The following GTF2IRD2B variants were observed in gnomAD, a reference collection of about 807,000 sequenced individuals.
GTF2IRD2B encodes GTF2I repeat domain containing 2B, also known as general transcription factor II-I repeat domain-containing protein 2B.
A neutral mutation model predicts 55.6 loss-of-function variants in GTF2IRD2B; 10 were observed. That is an observed-to-expected ratio of 0.18 (90% confidence interval 0.11 to 0.31). The LOEUF (loss-of-function observed/expected upper bound fraction) is 0.31. Among genes scored for constraint, GTF2IRD2B ranks in the 10% least tolerant of loss-of-function variants. The pLI, the probability that GTF2IRD2B is intolerant of heterozygous loss-of-function variation, is 1.00. For missense variants in GTF2IRD2B, 206 were observed against 802.7 expected (o/e 0.26, Z 8.98); for synonymous variants, 107 against 320.5 (o/e 0.33, Z 7.12).
chr7:75,132,694 A>G (rs1808704446), intron 8 of GTF2IRD2B, among the ~76,000 whole-genome samples: 1 of 140,270 alleles, frequency 7.1e-6, no homozygotes, highest in South Asian at 2.1e-4. Context: ...GGCTGGCTAC[A>G]GGCGTCCGCC....
At chr7:75,109,701 T>C (rs1807913974) in intron 2 of GTF2IRD2B, among the ~76,000 whole-genome samples, 1 of 31,258 alleles carries the variant, frequency 3.2e-5, no homozygotes, top group South Asian at 1.0e-3. Context: ...GTATCCTTTA[T>C]AGAGGGTAAT....
At chr7:75,104,053 CAA>C (rs587607735) in intron 1 of GTF2IRD2B, among the ~76,000 whole-genome samples, 22 of 87,774 alleles carry the variant, frequency 2.5e-4, no homozygotes, top group Admixed American at 6.1e-4. Context: ...GACTCCGTCT[CAA>C]AAAAAAAAAA....
At chr7:75,099,841 G>T (rs1254982363) in intron 1 of GTF2IRD2B, among the ~76,000 whole-genome samples, 2 of 135,902 alleles carry the variant, frequency 1.5e-5, no homozygotes, top group African/African-American at 2.8e-5. Flanking sequence ...GGCCAGGCGT[G>T]GTAGATCATG....
intron 3 of GTF2IRD2B, among the ~76,000 whole-genome samples, chr7:75,113,762 G>A (rs1157593347): frequency 7.1e-6 from 1 of 139,922 alleles, no homozygotes; most frequent in African/African-American, 2.7e-5. Context: ...AATCAGAAAG[G>A]TTCGTCAGAG....
intron 9 of GTF2IRD2B, among the ~76,000 whole-genome samples, 155 bp from the exon 10 acceptor site, chr7:75,134,846 C>T (rs1554534784): frequency 6.7e-6 from 1 of 148,786 alleles, no homozygotes; most frequent in African/African-American, 2.6e-5. Context: ...AGATTACAGG[C>T]GTGAGTTACC....
chr7:75,096,439 TG>T (rs1807380531), intron 1 of GTF2IRD2B, among the ~76,000 whole-genome samples: 2 of 42,718 alleles, frequency 4.7e-5, no homozygotes. Flanking sequence ...TTTTTTTTTT[TG>T]AGATGGAGTT....
In GTF2IRD2B at chr7:75,102,069, C is replaced by T. The variant is rs1584522136; in HGVS notation, c.-5-6891C>T. On this transcript the variant is annotated intron_variant, in intron 1 of 15. Transcript: ENST00000472837. The stretch of plus-strand genomic sequence containing the variant: ...CCAGGCTGGAGTGCAGTGGTGGGAT[C>T]TCGGCTCACTGCAACCTCCGCCTCC... Among the ~76,000 whole-genome samples, 3 of 151,058 alleles carry T rather than the reference C, an allele frequency of 2.0e-5. No homozygotes were observed. In the East Asian group the frequency reaches 5.9e-4, roughly 30 times the overall value.
At chr7:75,132,538 C>G (rs1183365971) in intron 8 of GTF2IRD2B, among the ~76,000 whole-genome samples, 3 of 141,680 alleles carry the variant, frequency 2.1e-5, no homozygotes, top group African/African-American at 5.7e-5. Flanking sequence ...TCATCCTCCT[C>G]TCCTTCCTTC....
intron 4 of GTF2IRD2B, among the ~76,000 whole-genome samples, chr7:75,121,373 CAG>C (rs1808359331): frequency 6.7e-6 from 1 of 150,076 alleles, no homozygotes; most frequent in African/African-American, 2.4e-5. Context: ...AGGAGTAGGA[CAG>C]TGTCACAGAC....
intron 15 of GTF2IRD2B, among the ~76,000 whole-genome samples, chr7:75,145,626 G>T (rs1470998856): frequency 1.4e-5 from 2 of 147,054 alleles, no homozygotes; most frequent in Non-Finnish European, 3.0e-5. Flanking sequence ...CCAGCTACTC[G>T]GGAGGCTGAG....
intron 3 of GTF2IRD2B, among the ~76,000 whole-genome samples, chr7:75,118,988 G>GA (rs1808263875): frequency 8.1e-6 from 1 of 123,132 alleles, no homozygotes. Flanking sequence ...GAGATCAGTA[G>GA]TTCTAGACCA....
chr7:75,149,255 A>T lies in GTF2IRD2B; in HGVS notation c.2808A>T (p.Leu936Phe), dbSNP rs1554454716. Reference protein sequence around the residue: ...KLSKTKYCSQLKDSQWDSVLH... With the variant: ...KLSKTKYCSQFKDSQWDSVLH... ...GCAAAACAAAATACTGCTCCCAGTT[A>T]AAGGATTCCCAGTGGGATTCTGTAC... Residue 936 changes from leucine (L) to phenylalanine (F), a missense_variant, in exon 16 of 16, where the codon TTA (leucine) becomes TTT (phenylalanine). Transcript: ENST00000472837. The T allele has an allele frequency of 1.3e-6, 1 of 749,894 alleles. No individual in the cohort carries two copies. Among genetic ancestry groups the T allele is most frequent in the Non-Finnish European group, 2.5e-6 (1 of 405,616 alleles). 46.5% of individuals were successfully genotyped at this position (749,894 alleles called of 1,614,324 possible).
chr7:75,145,743 AAAAAAG>A (rs1809127470), intron 15 of GTF2IRD2B, among the ~76,000 whole-genome samples: 1 of 147,130 alleles, frequency 6.8e-6, no homozygotes, highest in Non-Finnish European at 1.5e-5. Context: ...AAAAAAAAAA[AAAAAAG>A]AAAAGAAAAC....
chr7:75,103,195 C>T (rs1352032649), intron 1 of GTF2IRD2B, among the ~76,000 whole-genome samples: 1 of 152,014 alleles, frequency 6.6e-6, no homozygotes, highest in African/African-American at 2.4e-5. Context: ...AGGAGAATTG[C>T]TTGAACCTGG....
intron 8 of GTF2IRD2B, among the ~76,000 whole-genome samples, chr7:75,127,574 C>T (rs1808567573): frequency 6.9e-6 from 1 of 144,864 alleles, no homozygotes; most frequent in South Asian, 2.2e-4. Context: ...TACTTTTGGA[C>T]AGAATATTAT....
intron 1 of GTF2IRD2B, among the ~76,000 whole-genome samples, chr7:75,101,893 CAA>C (rs1243907524): frequency 1.3e-5 from 1 of 78,418 alleles, no homozygotes; most frequent in African/African-American, 5.0e-5. Context: ...GACCCCATCT[CAA>C]AAAAAAAAAA....
intron 1 of GTF2IRD2B, among the ~76,000 whole-genome samples, chr7:75,106,360 A>G (rs1305217842): frequency 6.6e-6 from 1 of 152,070 alleles, no homozygotes; most frequent in Non-Finnish European, 1.5e-5. Context: ...CAGAGATCAC[A>G]CCACTTCACT....
intron 2 of GTF2IRD2B, among the ~76,000 whole-genome samples, chr7:75,110,620 TAAA>T (rs1294778756): frequency 3.9e-5 from 2 of 51,542 alleles, no homozygotes; most frequent in South Asian, 1.7e-3. Flanking sequence ...CCCTGACTCT[TAAA>T]AAAAAAAAAA....
At chr7:75,133,605 C>T (rs1430845764) in intron 9 of GTF2IRD2B, among the ~76,000 whole-genome samples, 1 of 148,578 alleles carries the variant, frequency 6.7e-6, no homozygotes, top group Non-Finnish European at 1.5e-5. Context: ...TTCAGTGGCA[C>T]TATTTCCACT....
Sources: allele counts gnomAD v4.1 joint callset (sites outside exome capture counted in the v4.1 genomes callset), GRCh38; gene constraint gnomAD v4.1.1; transcripts MANE v1.5; gene names NCBI Gene and HGNC (gene_info 2026-07-23, HGNC 2026-07-21).